MKLN1: variants seen among roughly 807,000 people sequenced by gnomAD.
MKLN1 encodes the protein muskelin.
Under a neutral mutation model 99.0 loss-of-function variants are expected in MKLN1, and 18 were observed. That is an observed-to-expected ratio of 0.18 (90% CI 0.13 to 0.27). MKLN1 has a LOEUF of 0.27. Ranked by LOEUF, MKLN1 falls within the 10% of genes least tolerant of loss-of-function variation. The pLI, the probability that MKLN1 is intolerant of heterozygous loss-of-function variation, is 1.00. For missense variants in MKLN1, 621 were observed against 875.9 expected (o/e 0.71, Z 3.67); for synonymous variants, 288 against 293.2 (o/e 0.98, Z 0.18).
At chr7:131,411,098 A>T (rs10228857) in intron 6 of MKLN1, among the ~76,000 whole-genome samples, 2 of 152,206 alleles carry the variant, frequency 1.3e-5, no homozygotes, top group Non-Finnish European at 2.9e-5. Context: ...ATTTGTTTGC[A>T]TGGTTGTGTC....
intron 1 of MKLN1, among the ~76,000 whole-genome samples, chr7:131,140,644 GAAGC>G (rs1795717484): frequency 6.6e-6 from 1 of 152,200 alleles, no homozygotes; most frequent in Admixed American, 6.5e-5. Context: ...GATCTTGCCA[GAAGC>G]AGATATGACT....
At chr7:131,236,214 G>A (rs1318582544) in intron 3 of MKLN1, among the ~76,000 whole-genome samples, 2 of 152,210 alleles carry the variant, frequency 1.3e-5, no homozygotes, top group African/African-American at 4.8e-5. Context: ...GATTTCTCTA[G>A]CAAATAGCAT....
intron 4 of MKLN1, among the ~76,000 whole-genome samples, chr7:131,389,813 C>T (rs1794145462): frequency 6.6e-6 from 1 of 151,184 alleles, no homozygotes; most frequent in African/African-American, 2.4e-5. Context: ...GCTGTGAACC[C>T]AGGAGGCAGA....
chr7:131,377,954 T>G (rs1793713710), intron 2 of MKLN1, among the ~76,000 whole-genome samples: 1 of 152,198 alleles, frequency 6.6e-6, no homozygotes, highest in African/African-American at 2.4e-5. Flanking sequence ...TTCATTGTAG[T>G]TATTACTCAA....
At chr7:131,302,134 A>G (rs533687092) in intron 3 of MKLN1, among the ~76,000 whole-genome samples, 6 of 152,186 alleles carry the variant, frequency 3.9e-5, no homozygotes, top group Non-Finnish European at 8.8e-5. Context: ...AGATAATACT[A>G]TTTCTATCGC....
chr7:131,114,300 T>C (rs1795242368), intron 1 of MKLN1, among the ~76,000 whole-genome samples: 1 of 152,068 alleles, frequency 6.6e-6, no homozygotes. Flanking sequence ...GTGAAGGTAA[T>C]TAGTTTAGTT....
intron 1 of MKLN1, among the ~76,000 whole-genome samples, chr7:131,365,665 T>C (rs1800158655): frequency 6.6e-6 from 1 of 152,192 alleles, no homozygotes; most frequent in South Asian, 2.1e-4. Context: ...TGCATATGGC[T>C]AGCCAGTTAC....
intron 1 of MKLN1, among the ~76,000 whole-genome samples, chr7:131,372,146 C>T (rs1584664051): frequency 6.6e-6 from 1 of 152,026 alleles, no homozygotes; most frequent in African/African-American, 2.4e-5. Flanking sequence ...ATTTATTATA[C>T]TTCATGATTT....
chr7:131,478,595 C>CTTT (rs3080645), intron 16 of MKLN1, 28 bp from the exon 17 acceptor site: 78,376 of 1,200,522 alleles, frequency 0.065, 915 homozygotes, highest in African/African-American at 0.15. Context: ...TTTGCTGCTT[C>CTTT]TTTTTTTTTT....
In MKLN1 at chr7:131,237,665, T is replaced by G. The variant is rs557046557; in HGVS notation, c.-179+34691T>G. Among the ~76,000 whole-genome samples the G allele has an allele frequency of 2.0e-5, 3 of 152,242 alleles. No individual in the cohort carries two copies. In the South Asian group the frequency reaches 6.2e-4, roughly 32 times the overall value. On this transcript the variant is annotated intron_variant, in intron 3 of 7. Transcript: ENST00000416992. ...TGGTCAGTGTGTGCCACGTTTATGA[T>G]ATGATGTTCTGTTCTGAGTACCCAT...
rs1470124355 is a variant in MKLN1, at chr7:131,386,332, T to C, written c.169-788T>C. Among the ~76,000 whole-genome samples the C allele has an allele frequency of 3.3e-5, 5 of 152,216 alleles. 1 individual carries two copies. The South Asian group carries it at 1.0e-3, about 32-fold the overall frequency. ...CGGCCAGGTCTTCAGTCCTAAAGGA[T>C]TGATGTTGGATCAGTTTTTATCCAT... On this transcript the variant is annotated intron_variant, in intron 2 of 17. Coordinates refer to ENST00000352689, the MANE Select transcript of MKLN1 (RefSeq NM_013255.5).
At chr7:131,361,401 C>A (rs766961100) in intron 1 of MKLN1, among the ~76,000 whole-genome samples, 1 of 151,622 alleles carries the variant, frequency 6.6e-6, no homozygotes, top group Non-Finnish European at 1.5e-5. Flanking sequence ...TGGTACATTA[C>A]CCATCTATCT....
rs1797410725 is a variant in MKLN1 at position 131,491,088 on chromosome 7, A to G, written c.*3360A>G. 6.6e-6 allele frequency: 1 copy of G among 152,124 alleles called. No individual in the cohort carries two copies. The highest frequency in any genetic ancestry group is 1.5e-5 in the Non-Finnish European group (1 of 68,008). The allele number at this position is 152,124 out of a possible 1,614,324, so 9.4% of individuals were successfully genotyped here. On this transcript the variant is annotated 3_prime_UTR_variant, in exon 18 of 18. Transcript: ENST00000352689. ...GGAATTCACTGGGTAATTGTGGGTCATTTATTTCCTGAAAGTCACGTGAAA... is the reference window on the plus strand; with the variant it reads ...GGAATTCACTGGGTAATTGTGGGTCGTTTATTTCCTGAAAGTCACGTGAAA...
intron 8 of MKLN1, among the ~76,000 whole-genome samples, chr7:131,421,961 G>C (rs1193729550): frequency 1.3e-5 from 2 of 152,116 alleles, no homozygotes; most frequent in African/African-American, 4.8e-5. Context: ...ATACTAAAGT[G>C]CATATAAGAA....
At chr7:131,186,462 C>T (rs1274342611) in intron 2 of MKLN1, among the ~76,000 whole-genome samples, 1 of 152,126 alleles carries the variant, frequency 6.6e-6, no homozygotes, top group Non-Finnish European at 1.5e-5. Context: ...GAACCATGAT[C>T]GTGCCACTGC....
intron 3 of MKLN1, among the ~76,000 whole-genome samples, chr7:131,281,816 G>A (rs1402810411): frequency 6.6e-6 from 1 of 151,928 alleles, no homozygotes; most frequent in Non-Finnish European, 1.5e-5. Flanking sequence ...GAGTGGCTAG[G>A]ACTACACATG....
intron 2 of MKLN1, among the ~76,000 whole-genome samples, chr7:131,164,040 T>G (rs750517724): frequency 1.1e-4 from 17 of 152,316 alleles, no homozygotes; most frequent in Middle Eastern, 3.4e-3. Flanking sequence ...GTTTAAACCC[T>G]CTCATATTAT....
intron 2 of MKLN1, among the ~76,000 whole-genome samples, chr7:131,145,439 G>A (rs1009289460): frequency 1.1e-4 from 16 of 152,098 alleles, no homozygotes; most frequent in African/African-American, 1.9e-4. Context: ...GAAATGTAAC[G>A]TTCGAGAGGG....
chr7:131,483,316 G>T (rs1471789405), intron 17 of MKLN1, among the ~76,000 whole-genome samples: 1 of 151,988 alleles, frequency 6.6e-6, no homozygotes, highest in African/African-American at 2.4e-5. Flanking sequence ...CTCAATCTCT[G>T]TATTTTACCC....
Sources: allele counts gnomAD v4.1 joint callset (sites outside exome capture counted in the v4.1 genomes callset), GRCh38; gene constraint gnomAD v4.1.1; transcripts MANE v1.5; gene names NCBI Gene and HGNC (gene_info 2026-07-23, HGNC 2026-07-21).